The following MYT1L variants were observed in gnomAD, a reference collection of about 807,000 sequenced individuals.
MYT1L encodes the protein myelin transcription factor 1-like protein.
Under a neutral mutation model 126.7 loss-of-function variants are expected in MYT1L, and 12 were observed. The ratio of observed to expected loss-of-function variants is 0.09; its 90% confidence interval spans 0.06 to 0.15. The LOEUF is 0.15. Among genes scored for constraint, MYT1L ranks in the 10% least tolerant of loss-of-function variants. The probability of loss-of-function intolerance (pLI) is 1.00; values close to 1 mark genes in which losing one functional copy is unlikely to be tolerated. For synonymous variants in MYT1L, 541 were observed against 604.2 expected (o/e 0.90, Z 1.53); for missense variants, 979 against 1,585.2 (o/e 0.62, Z 6.49).
intron 3 of MYT1L, among the ~76,000 whole-genome samples, chr2:2,153,246 G>C (rs1487605495): frequency 6.6e-6 from 1 of 152,182 alleles, no homozygotes. Flanking sequence ...CTGCAGCTAT[G>C]AACGAGACCC....
intron 1 of MYT1L, among the ~76,000 whole-genome samples, chr2:2,329,878 C>T (rs1326393537): frequency 6.6e-6 from 1 of 151,722 alleles, no homozygotes; most frequent in East Asian, 1.9e-4. Context: ...TCCTTTTTTT[C>T]TGGAATGTTT....
intron 2 of MYT1L, among the ~76,000 whole-genome samples, chr2:2,201,772 G>A (rs1451438552): frequency 6.6e-6 from 1 of 151,754 alleles, no homozygotes; most frequent in Non-Finnish European, 1.5e-5. Context: ...TCTCTAATCT[G>A]TAGTTTACTA....
chr2:2,309,715 A>T (rs1212639140), intron 1 of MYT1L, among the ~76,000 whole-genome samples: 1 of 151,444 alleles, frequency 6.6e-6, no homozygotes, highest in Non-Finnish European at 1.5e-5. Flanking sequence ...CTCCATCTAC[A>T]CTTCAGTATA....
intron 21 of MYT1L, among the ~76,000 whole-genome samples, chr2:1,810,368 G>C (rs1201947285): frequency 6.6e-6 from 1 of 152,090 alleles, no homozygotes; most frequent in African/African-American, 2.4e-5. Flanking sequence ...TTCAACTCCT[G>C]ACCTCAGGTG....
Position 2,330,406 on chromosome 2 carries a change from G to A in MYT1L, c.-521+561C>T, listed in dbSNP as rs2096277791. On this transcript the variant is annotated intron_variant, in intron 1 of 24. Transcript: ENST00000647738. ...CTAAAGTGTAGAGTTTAATCTTTTA[G>A]TTTATTAATTTAGGTGTTACAAAAA... is the stretch of plus-strand genomic sequence containing the variant. Among the ~76,000 whole-genome samples the A allele has an allele frequency of 3.9e-5, 6 of 151,984 alleles. No homozygotes were observed. In the South Asian group the frequency reaches 1.2e-3, roughly 32 times the overall value.
At chr2:2,210,770 A>C (rs967002518) in intron 2 of MYT1L, among the ~76,000 whole-genome samples, 1 of 152,168 alleles carries the variant, frequency 6.6e-6, no homozygotes, top group Non-Finnish European at 1.5e-5. Flanking sequence ...GAAAAATGCC[A>C]TTGGTATCTT....
chr2:2,014,593 T>A lies in MYT1L; in HGVS notation c.-157-17246A>T, dbSNP rs1050177839. Among the ~76,000 whole-genome samples the A allele has an allele frequency of 2.0e-5, 3 of 152,222 alleles. No homozygotes were observed. In the South Asian group the frequency reaches 6.2e-4, roughly 31 times the overall value. The stretch of plus-strand genomic sequence containing the variant: ...TGGCAGCTTCTCAGGAGCTCCAGCA[T>A]CTGTGTCTGGGCATCCCGGATGGGC... On this transcript the variant is annotated intron_variant, in intron 4 of 24. Transcript: ENST00000647738.
chr2:2,050,779 AGCT>A (rs2150080236), intron 4 of MYT1L, among the ~76,000 whole-genome samples: 1 of 152,286 alleles, frequency 6.6e-6, no homozygotes, highest in South Asian at 2.1e-4. Flanking sequence ...TGTGTGCAAC[AGCT>A]GCTGCTTTGC....
In MYT1L at chr2:1,793,316, G is replaced by A. The variant is rs917869023; in HGVS notation, c.3277-852C>T. Among the ~76,000 whole-genome samples the A allele has an allele frequency of 6.6e-6, 1 of 152,214 alleles. No homozygotes were observed. The highest frequency in any genetic ancestry group is 2.4e-5 in the African/African-American group (1 of 41,464). On this transcript the variant is annotated intron_variant, in intron 23 of 24. Coordinates refer to ENST00000647738, the MANE Select transcript of MYT1L (RefSeq NM_001303052.2). This position sits in a 1 kb window ranked among gnomAD's most constrained non-coding sequence, Gnocchi z 4.6. ...TAACCGCACAGGACTAGCTTCACAC[G>A]CAGCAGGCGGGGAGCTGCCCTGCCC...
At chr2:1,952,717 TCCTTCCTTCCCTTCCCTCCTTCCTTC>T (rs2057890820) in intron 8 of MYT1L, among the ~76,000 whole-genome samples, 1 of 7,234 alleles carries the variant, frequency 1.4e-4, no homozygotes, top group African/African-American at 4.4e-4. Flanking sequence ...TTCCCTTCCC[TCCTTCCTTCCCTTCCCTCCTTCCTTC>T]CCTTCCCTCC....
chr2:1,958,222 A>C (rs920552779), intron 8 of MYT1L, among the ~76,000 whole-genome samples: 2 of 152,228 alleles, frequency 1.3e-5, no homozygotes, highest in Non-Finnish European at 2.9e-5. Context: ...TGGCTACTGC[A>C]GATGGAACCC....
chr2:1,847,745 T>C (rs2042693130), intron 19 of MYT1L, among the ~76,000 whole-genome samples: 1 of 152,222 alleles, frequency 6.6e-6, no homozygotes, highest in South Asian at 2.1e-4. Flanking sequence ...GAAGCCTTTG[T>C]AGGCATTTGG....
intron 2 of MYT1L, among the ~76,000 whole-genome samples, chr2:2,264,600 G>A (rs866151219): frequency 7.9e-5 from 12 of 152,136 alleles, no homozygotes; most frequent in Non-Finnish European, 1.6e-4. Flanking sequence ...TGCAACGCTG[G>A]CCCAAGCTGC....
chr2:1,833,270 G>A (rs2040426694), intron 21 of MYT1L, among the ~76,000 whole-genome samples: 1 of 152,160 alleles, frequency 6.6e-6, no homozygotes, highest in Non-Finnish European at 1.5e-5. Flanking sequence ...TCTGGGCTCG[G>A]GGAGTGAGTG....
chr2:1,899,944 T>C (rs935369462), intron 14 of MYT1L, among the ~76,000 whole-genome samples: 3 of 152,132 alleles, frequency 2.0e-5, no homozygotes. Context: ...GAAGATTTTG[T>C]GAGTGGTTTG....
At chr2:1,839,046 AG>A in intron 21 of MYT1L, 102 bp downstream of exon 21, 1 of 994,856 alleles carries the variant, frequency 1.0e-6, no homozygotes, top group East Asian at 2.6e-5. Flanking sequence ...TTCTAAACAC[AG>A]GTGACGGGAG....
chr2:1,881,378 G>A (rs1191978857), intron 18 of MYT1L, among the ~76,000 whole-genome samples: 1 of 151,678 alleles, frequency 6.6e-6, no homozygotes, highest in Admixed American at 6.6e-5. Context: ...GTGTGTGTGT[G>A]TGTGTGTGTG....
chr2:2,046,995 C>T (rs2068262395), intron 4 of MYT1L, among the ~76,000 whole-genome samples: 1 of 152,126 alleles, frequency 6.6e-6, no homozygotes. Context: ...GAATTGTCTT[C>T]CATATCCTTT....
intron 1 of MYT1L, among the ~76,000 whole-genome samples, chr2:2,310,355 C>G (rs1402035985): frequency 1.3e-5 from 2 of 152,138 alleles, no homozygotes; most frequent in Non-Finnish European, 2.9e-5. Flanking sequence ...ACTCCACTTA[C>G]ACTTCAGTAT....
Sources: allele counts gnomAD v4.1 joint callset (sites outside exome capture counted in the v4.1 genomes callset), GRCh38; gene constraint gnomAD v4.1.1; non-coding constraint Gnocchi (gnomAD v3.1); transcripts MANE v1.5; gene names NCBI Gene and HGNC (gene_info 2026-07-23, HGNC 2026-07-21).